RBFOX1: variants seen among roughly 807,000 people sequenced by gnomAD.
RBFOX1 encodes the protein RNA binding protein fox-1 homolog 1.
In RBFOX1, 8 loss-of-function variants were observed where a neutral mutation model predicts 57.7. That is an observed-to-expected ratio of 0.14 (90% CI 0.08 to 0.25). The LOEUF is 0.25. RBFOX1 is among the 10% of genes least tolerant of loss of function. The pLI, the probability that RBFOX1 is intolerant of heterozygous loss-of-function variation, is 1.00. For missense variants in RBFOX1, 611 were observed against 548.5 expected, an observed-to-expected ratio of 1.11 and a Z score of -1.14; for synonymous variants, 326 against 222.4, an observed-to-expected ratio of 1.47 and a Z score of -4.15.
At chr16:6,979,928 C>T (rs2088222049) in intron 3 of RBFOX1, among the ~76,000 whole-genome samples, 1 of 152,084 alleles carries the variant, frequency 6.6e-6, no homozygotes, top group Non-Finnish European at 1.5e-5. Flanking sequence ...ATGGAACTGC[C>T]AGTTTCTGAG....
chr16:5,770,426 G>A (rs2053939169), intron 3 of RBFOX1, among the ~76,000 whole-genome samples: 1 of 152,182 alleles, frequency 6.6e-6, no homozygotes, highest in African/African-American at 2.4e-5. Context: ...TAAAAGGGGA[G>A]GAACCCTTGG....
rs111347173 is a variant in RBFOX1 at position 5,785,775 on chromosome 16, C to T, written c.319-81528C>T. Reference sequence around the variant, plus strand: ...CTCCCGACCTCAGGTGATCCACATGCCTTGGCCTCCCAAAGTGCTGGGATT... The same window carrying T: ...CTCCCGACCTCAGGTGATCCACATGTCTTGGCCTCCCAAAGTGCTGGGATT... On this transcript the variant is annotated intron_variant, in intron 3 of 19. Transcript: ENST00000641259. 3.9e-3 allele frequency among the ~76,000 whole-genome samples: 587 copies of T among 152,262 alleles called. 7 individuals are homozygous for T. Among genetic ancestry groups the T allele is most frequent in the African/African-American group, 0.013 (544 of 41,556 alleles).
chr16:7,440,547 C>T (rs948658700), intron 4 of RBFOX1, among the ~76,000 whole-genome samples: 4 of 152,162 alleles, frequency 2.6e-5, no homozygotes, highest in South Asian at 2.1e-4. Context: ...AATCCTCAGG[C>T]GTATAGGCAA....
chr16:5,731,215 TCAA>T (rs201068931), intron 3 of RBFOX1, among the ~76,000 whole-genome samples: 5,301 of 152,116 alleles, frequency 0.035, 308 homozygotes, highest in African/African-American at 0.12. Flanking sequence ...ATCAAGATCA[TCAA>T]CAACACTATC....
chr16:6,510,615 A>G (rs1212501830), intron 2 of RBFOX1, among the ~76,000 whole-genome samples: 2 of 152,208 alleles, frequency 1.3e-5, no homozygotes, highest in Non-Finnish European at 2.9e-5. Context: ...GTATGCCTCC[A>G]GAGGCTCCCT....
At chr16:7,588,731 G>A (rs769975231) in intron 7 of RBFOX1, among the ~76,000 whole-genome samples, 10 of 152,076 alleles carry the variant, frequency 6.6e-5, no homozygotes, top group Non-Finnish European at 1.5e-4. Context: ...CAGCTCTTTT[G>A]GATGTGTATA....
At chr16:5,840,900 C>G (rs2056604848) in intron 3 of RBFOX1, among the ~76,000 whole-genome samples, 1 of 152,170 alleles carries the variant, frequency 6.6e-6, no homozygotes, top group African/African-American at 2.4e-5. Flanking sequence ...CCAACAAGGT[C>G]TTCTGCCTCT....
At chr16:5,938,431 G>A (rs1456433470) in intron 4 of RBFOX1, among the ~76,000 whole-genome samples, 1 of 152,152 alleles carries the variant, frequency 6.6e-6, no homozygotes, top group Non-Finnish European at 1.5e-5. Flanking sequence ...CTAGGCTGCT[G>A]ATGGTGATGG....
At chr16:6,858,723 C>T (rs1195670181) in intron 3 of RBFOX1, among the ~76,000 whole-genome samples, 4 of 152,074 alleles carry the variant, frequency 2.6e-5, no homozygotes, top group Non-Finnish European at 5.9e-5. Flanking sequence ...TCAGCTCAGC[C>T]TCTTTATGGA....
chr16:6,010,728 C>A (rs2094956346), intron 4 of RBFOX1, among the ~76,000 whole-genome samples: 1 of 152,198 alleles, frequency 6.6e-6, no homozygotes, highest in Admixed American at 6.5e-5. Context: ...ACTAAATTCC[C>A]AAACGGTATC....
chr16:7,147,460 C>T (rs78650009), intron 4 of RBFOX1, among the ~76,000 whole-genome samples: 12 of 152,090 alleles, frequency 7.9e-5, no homozygotes, highest in South Asian at 2.1e-4. Flanking sequence ...TTTTCAACCC[C>T]GGCCTTCCCA....
At chr16:7,164,118 C>T (rs948180877) in intron 4 of RBFOX1, among the ~76,000 whole-genome samples, 2 of 152,102 alleles carry the variant, frequency 1.3e-5, no homozygotes, top group African/African-American at 4.8e-5. Context: ...CTCACCCCCT[C>T]CCACCCTTTA....
chr16:7,389,607 C>T (rs1001059280), intron 4 of RBFOX1, among the ~76,000 whole-genome samples: 1 of 152,116 alleles, frequency 6.6e-6, no homozygotes. Flanking sequence ...AAAACACTAC[C>T]TAAAAACAAT....
intron 3 of RBFOX1, among the ~76,000 whole-genome samples, chr16:5,851,962 C>A (rs2056907959): frequency 6.6e-6 from 1 of 152,120 alleles, no homozygotes; most frequent in African/African-American, 2.4e-5. Flanking sequence ...TCCAGCCCAC[C>A]ACTTACGAGC....
intron 2 of RBFOX1, among the ~76,000 whole-genome samples, chr16:6,412,478 T>A (rs1264114290): frequency 6.6e-6 from 1 of 152,188 alleles, no homozygotes; most frequent in African/African-American, 2.4e-5. Flanking sequence ...CTTTCAATGA[T>A]CATCCTATAA....
chr16:6,986,358 C>G (rs1172589046), intron 3 of RBFOX1, among the ~76,000 whole-genome samples: 2 of 152,084 alleles, frequency 1.3e-5, no homozygotes, highest in African/African-American at 2.4e-5. Context: ...GCCACCATGT[C>G]TGGCTAATTT....
rs1230225765 is a variant in RBFOX1 at position 5,657,670 on chromosome 16, CT to C, written c.318+58713del. ...TTTCTTTCTTTTCTTTTCTTTCTTT[CT>C]TTTCTTTTCTTTCTTTCTTTCTTTC... On this transcript the variant is annotated intron_variant, in intron 3 of 19. Coordinates refer to the RBFOX1 transcript ENST00000641259. Among the ~76,000 whole-genome samples, 607 of 91,772 alleles carry C rather than the reference CT, an allele frequency of 6.6e-3. 2 individuals carry two copies. Among genetic ancestry groups the C allele is most frequent in the East Asian group, 0.028 (86 of 3,114 alleles). The allele number at this position is 91,772 out of a possible 152,430, so 60.2% of individuals were successfully genotyped here. A position where few individuals can be genotyped will look rare whatever the true frequency, so the allele number is the denominator to read the frequency against.
intron 1 of RBFOX1, among the ~76,000 whole-genome samples, chr16:5,307,481 C>G (rs947434543): frequency 6.6e-6 from 1 of 152,160 alleles, no homozygotes; most frequent in East Asian, 1.9e-4. Flanking sequence ...TGGATTCTCT[C>G]TTACCACTTC....
intron 4 of RBFOX1, among the ~76,000 whole-genome samples, chr16:7,144,266 A>G (rs923610926): frequency 6.6e-6 from 1 of 152,142 alleles, no homozygotes; most frequent in African/African-American, 2.4e-5. Flanking sequence ...GAAAGCAAAG[A>G]ACTTCCTCCC....
Sources: allele counts gnomAD v4.1 joint callset (sites outside exome capture counted in the v4.1 genomes callset), GRCh38; gene constraint gnomAD v4.1.1; transcripts MANE v1.5; gene names NCBI Gene and HGNC (gene_info 2026-07-23, HGNC 2026-07-21).